METTL2B: variants seen among roughly 807,000 people sequenced by gnomAD.
METTL2B encodes tRNA N(3)-cytidine methyltransferase METTL2B.
A neutral mutation model predicts 51.0 loss-of-function variants in METTL2B; 28 were observed. That is an observed-to-expected ratio of 0.55 (90% CI 0.41 to 0.75). The LOEUF is 0.75. Among genes scored for constraint, METTL2B ranks in the 30% least tolerant of loss-of-function variants. METTL2B has a pLI of 0.00. For synonymous variants in METTL2B, 128 were observed against 166.3 expected (o/e 0.77, Z 1.77); for missense variants, 313 against 460.7 (o/e 0.68, Z 2.93).
chr7:128,485,383 G>A (rs867941040), intron 4 of METTL2B, among the ~76,000 whole-genome samples: 1 of 152,088 alleles, frequency 6.6e-6, no homozygotes, highest in Non-Finnish European at 1.5e-5. Context: ...AAAATTAGCC[G>A]CCTGGTGCTG....
chr7:128,502,700 A>G lies in METTL2B; in HGVS notation c.*784A>G. Reference sequence around the variant, plus strand: ...GATCACCTGAGGTCAGGAGTTCGAGACCAGCGTGGCCAACATGGTGAAACC... The same window carrying G: ...GATCACCTGAGGTCAGGAGTTCGAGGCCAGCGTGGCCAACATGGTGAAACC... On this transcript the variant is annotated 3_prime_UTR_variant, in exon 9 of 9. Coordinates refer to ENST00000262432, the MANE Select transcript of METTL2B (RefSeq NM_018396.3). 1 of 417,674 alleles carries G rather than the reference A, an allele frequency of 2.4e-6. No individual in the cohort carries two copies. The highest frequency in any genetic ancestry group is 4.7e-6 in the Non-Finnish European group (1 of 213,622). The allele number at this position is 417,674 out of a possible 1,614,324, so 25.9% of individuals were successfully genotyped here.
intron 8 of METTL2B, chr7:128,501,426 T>C: frequency 1.4e-5 from 14 of 985,442 alleles, no homozygotes; most frequent in Non-Finnish European, 1.6e-5. Context: ...GTCACCTTCT[T>C]TGAGCCTTTG....
chr7:128,501,738 A>G, intron 8 of METTL2B, 24 bp from the exon 9 acceptor site: 1 of 1,611,756 alleles, frequency 6.2e-7, no homozygotes, highest in Non-Finnish European at 8.5e-7. Context: ...AAAATGCATA[A>G]ACATCTTTTA....
In METTL2B at chr7:128,502,113, A is replaced by G. The variant is rs1793041489; in HGVS notation, c.*197A>G. 1 of 662,526 alleles carries G rather than the reference A, an allele frequency of 1.5e-6. No individual in the cohort carries two copies. Among genetic ancestry groups the G allele is most frequent in the Non-Finnish European group, 2.4e-6 (1 of 419,196 alleles). The allele number at this position is 662,526 out of a possible 1,614,324, so 41.0% of individuals were successfully genotyped here. A position where few individuals can be genotyped will look rare whatever the true frequency, so the allele number is the denominator to read the frequency against. Reference sequence around the variant, plus strand: ...CTGAATCTGAAAGTAATGATAAAATAAAAAGAATATAAATGAGGTCTCGTT... The same window carrying G: ...CTGAATCTGAAAGTAATGATAAAATGAAAAGAATATAAATGAGGTCTCGTT... On this transcript the variant is annotated 3_prime_UTR_variant, in exon 9 of 9. Coordinates refer to ENST00000262432, the MANE Select transcript of METTL2B (RefSeq NM_018396.3).
intron 4 of METTL2B, among the ~76,000 whole-genome samples, chr7:128,481,836 G>A (rs1799876314): frequency 6.6e-6 from 1 of 152,008 alleles, no homozygotes; most frequent in African/African-American, 2.4e-5. Context: ...GTAGAGACAG[G>A]GTCTCACTTT....
chr7:128,493,107 T>A (rs1007869801), intron 5 of METTL2B, among the ~76,000 whole-genome samples: 1 of 152,228 alleles, frequency 6.6e-6, no homozygotes, highest in Non-Finnish European at 1.5e-5. Flanking sequence ...GATTCCTCAC[T>A]GTCTCCCTTC....
intron 5 of METTL2B, among the ~76,000 whole-genome samples, chr7:128,491,219 G>A (rs1792823853): frequency 6.6e-6 from 1 of 151,798 alleles, no homozygotes; most frequent in African/African-American, 2.4e-5. Context: ...CACTTTGGGA[G>A]GCTGAGGTGG....
intron 7 of METTL2B, among the ~76,000 whole-genome samples, chr7:128,498,837 A>G (rs1220913929): frequency 6.6e-6 from 1 of 152,144 alleles, no homozygotes; most frequent in African/African-American, 2.4e-5. Flanking sequence ...TGTCTCTACT[A>G]AAAATACAAA....
chr7:128,488,077 T>C (rs938710183), intron 4 of METTL2B, 24 bp from the exon 5 acceptor site: 4 of 1,061,978 alleles, frequency 3.8e-6, no homozygotes, highest in African/African-American at 1.6e-5. Flanking sequence ...AGTCTCATTG[T>C]TTTGTCTTTT....
chr7:128,495,525 A>G (rs1792909524), intron 6 of METTL2B, among the ~76,000 whole-genome samples: 2 of 151,960 alleles, frequency 1.3e-5, no homozygotes, highest in Non-Finnish European at 1.5e-5. Context: ...ATCTTGGCTC[A>G]CTGCAAGCTC....
Position 128,478,727 on chromosome 7 carries a change from G to T in METTL2B, c.203-431G>T, listed in dbSNP as rs1233698253. ...AAAAAATAGAAAAAATTAGCCGGGCGTGGTCGTGGGCCTGTAGTCCCAGCT... is the reference window on the plus strand; with the variant it reads ...AAAAAATAGAAAAAATTAGCCGGGCTTGGTCGTGGGCCTGTAGTCCCAGCT... On this transcript the variant is annotated intron_variant, in intron 2 of 8. Transcript: ENST00000262432. Among the ~76,000 whole-genome samples, 39 of 56,908 alleles carry T rather than the reference G, an allele frequency of 6.9e-4. No homozygotes were observed. In the Admixed American group the frequency reaches 7.2e-3, roughly 11 times the overall value. The allele number at this position is 56,908 out of a possible 152,430, so 37.3% of individuals were successfully genotyped here.
Position 128,503,140 on chromosome 7 carries a change from T to C in METTL2B, c.*1224T>C, listed in dbSNP as rs1218844346. 2 of 152,722 alleles carry C rather than the reference T, an allele frequency of 1.3e-5. No individual in the cohort carries two copies. The highest frequency in any genetic ancestry group is 2.0e-4 in the East Asian group (1 of 5,026). 9.5% of individuals were successfully genotyped at this position (152,722 alleles called of 1,614,324 possible). ...AAAAAAATAGCTGGGCATGGTGGCA[T>C]GCGCCTGTAGTCCCCTGTAGTCCCA... On this transcript the variant is annotated 3_prime_UTR_variant, in exon 9 of 9. Coordinates refer to ENST00000262432, the MANE Select transcript of METTL2B (RefSeq NM_018396.3).
chr7:128,486,912 C>T (rs963223640), intron 4 of METTL2B, among the ~76,000 whole-genome samples: 17 of 152,120 alleles, frequency 1.1e-4, no homozygotes, highest in Non-Finnish European at 2.1e-4. Context: ...GAACTTAGCC[C>T]GTGACCTTAA....
rs532986173 is a variant in METTL2B, at chr7:128,491,695, A to C, written c.670-2109A>C. ...GCAGGAGAATTGCTTGAACCTGGGA[A>C]AGCAGAGGTTGCAGTGAGCTGAGAT... is the stretch of plus-strand genomic sequence containing the variant. On this transcript the variant is annotated intron_variant, in intron 5 of 8. Coordinates refer to ENST00000262432, the MANE Select transcript of METTL2B (RefSeq NM_018396.3). Among the ~76,000 whole-genome samples, 109 of 150,926 alleles carry C rather than the reference A, an allele frequency of 7.2e-4. 3 individuals are homozygous for C. The South Asian group carries it at 0.01, about 14-fold the overall frequency.
At chr7:128,490,223 A>G (rs1258828390) in intron 5 of METTL2B, among the ~76,000 whole-genome samples, 1 of 152,142 alleles carries the variant, frequency 6.6e-6, no homozygotes, top group Non-Finnish European at 1.5e-5. Context: ...GCAACTCCTT[A>G]TAGATAAGGA....
Position 128,484,859 on chromosome 7 carries a change from G to T in METTL2B, c.609-3242G>T, listed in dbSNP as rs190112655. Among the ~76,000 whole-genome samples, 638 of 152,272 alleles carry T rather than the reference G, an allele frequency of 4.2e-3. 4 individuals are homozygous for T. Among genetic ancestry groups the T allele is most frequent in the Non-Finnish European group, 5.3e-3 (363 of 68,018 alleles). On this transcript the variant is annotated intron_variant, in intron 4 of 8. Transcript: ENST00000262432. ...GCCTGCCAAAGTGCTGGGATTACAG[G>T]CGTGAGCCACCGCACCCGGCTGTAA...
intron 5 of METTL2B, chr7:128,488,530 G>C (rs745631358): frequency 1.1e-5 from 5 of 475,844 alleles, no homozygotes; most frequent in South Asian, 7.7e-5. Flanking sequence ...GTTGTACTTG[G>C]TTTGGGGTTC....
chr7:128,490,990 G>A (rs940723985), intron 5 of METTL2B, among the ~76,000 whole-genome samples: 6 of 151,568 alleles, frequency 4.0e-5, no homozygotes, highest in African/African-American at 1.2e-4. Flanking sequence ...GTGAAACCCC[G>A]TCTCTACTAA....
chr7:128,497,883 T>C (rs984861070), intron 6 of METTL2B, among the ~76,000 whole-genome samples, 153 bp from the exon 7 acceptor site: 3 of 152,198 alleles, frequency 2.0e-5, no homozygotes, highest in Non-Finnish European at 4.4e-5. Flanking sequence ...GCAGCTAACG[T>C]CCTTCAGTTC....
Sources: gnomAD v4.1 joint callset for allele counts (sites outside exome capture counted in the v4.1 genomes callset) on GRCh38, gnomAD v4.1.1 for gene constraint, MANE v1.5 for transcripts, NCBI Gene and HGNC (gene_info 2026-07-23, HGNC 2026-07-21) for gene names.